The following STARD8 variants were observed in gnomAD, a reference collection of about 807,000 sequenced individuals.
STARD8 encodes StAR related lipid transfer domain containing 8, also known as stAR-related lipid transfer protein 8.
Under a neutral mutation model 69.4 loss-of-function variants are expected in STARD8, and 25 were observed. The ratio of observed to expected loss-of-function variants is 0.36; its 90% CI spans 0.26 to 0.50. STARD8 has a LOEUF of 0.50. Among genes scored for constraint, STARD8 ranks in the 20% least tolerant of loss-of-function variants. The pLI, the probability that STARD8 is intolerant of heterozygous loss-of-function variation, is 0.96. For synonymous variants in STARD8, 389 were observed against 374.6 expected (o/e 1.04, Z -0.45); for missense variants, 921 against 932.5 (o/e 0.99, Z 0.16).
intron 1 of STARD8, among the ~76,000 whole-genome samples, chrX:68,656,863 TGGA>T (rs1382689345): frequency 1.9e-5 from 2 of 106,198 alleles, no homozygotes; most frequent in Non-Finnish European, 1.9e-5. Flanking sequence ...TGTTGTGGGG[TGGA>T]GGAGGGGGGA....
intron 2 of STARD8, among the ~76,000 whole-genome samples, chrX:68,675,127 T>C (rs1168423668): frequency 9.1e-6 from 1 of 110,482 alleles, no homozygotes; most frequent in African/African-American, 3.3e-5. Flanking sequence ...CTGGCTAATT[T>C]TTGTATTTTT....
At chrX:68,681,454 G>A (rs1425389903) in intron 2 of STARD8, among the ~76,000 whole-genome samples, 4 of 112,489 alleles carry the variant, frequency 3.6e-5, no homozygotes, top group African/African-American at 1.3e-4. Flanking sequence ...GCAGAGTCAG[G>A]ACTTGAGACC....
intron 1 of STARD8, among the ~76,000 whole-genome samples, chrX:68,663,119 G>A (rs1433158497): frequency 8.9e-6 from 1 of 112,026 alleles, no homozygotes; most frequent in East Asian, 2.8e-4. Flanking sequence ...AAATCAGAGG[G>A]ATATGTTCTA....
chrX:68,671,662 C>G (rs1307256654), intron 2 of STARD8, among the ~76,000 whole-genome samples: 2 of 112,569 alleles, frequency 1.8e-5, no homozygotes, highest in Admixed American at 9.4e-5. Flanking sequence ...CTCCAGATGA[C>G]AAAACCTCTT....
At chrX:68,673,428 T>G (rs144062318) in intron 2 of STARD8, among the ~76,000 whole-genome samples, 1 of 112,098 alleles carries the variant, frequency 8.9e-6, no homozygotes, top group Non-Finnish European at 1.9e-5. Context: ...CCAGATACGC[T>G]GCCATAAGTT....
rs1043893234 is a variant in STARD8 at position 68,648,663 on chromosome X, A to G, written c.45+736A>G. On this transcript the variant is annotated intron_variant, in intron 1 of 14. Coordinates refer to ENST00000374599, the MANE Select transcript of STARD8 (RefSeq NM_001142503.3). ...CAAAGAGAATATAAGAAAAGTGACA[A>G]ATATTTACCAGGCACCTACTATATG... Among the ~76,000 whole-genome samples, 2 of 111,641 alleles carry G rather than the reference A, an allele frequency of 1.8e-5. 1 individual carries two copies. Among genetic ancestry groups the G allele is most frequent in the Non-Finnish European group, 3.8e-5 (2 of 53,134 alleles).
chrX:68,722,543 A>G lies in STARD8; in HGVS notation c.2696A>G (p.Tyr899Cys). The G allele has an allele frequency of 8.3e-7, 1 of 1,211,786 alleles. No homozygotes were observed. Among genetic ancestry groups the G allele is most frequent in the Non-Finnish European group, 1.1e-6 (1 of 895,548 alleles). Residue 899 changes from tyrosine to cysteine, a missense_variant, in exon 12 of 15, where the codon TAC becomes TGC. By Grantham distance (194) the Tyr-to-Cys change is radical (BLOSUM62 -2). Transcript: ENST00000374599. Reference protein sequence around the residue: ...AQAAGVSLSLYMEENIQDLLR... With the variant: ...AQAAGVSLSLCMEENIQDLLR... ...GCTGCAGGGGTAAGCCTGAGCCTCT[A>G]CATGGAAGAGAATATCCAGGACCTG...
chrX:68,708,214 G>T (rs765079544), intron 2 of STARD8, among the ~76,000 whole-genome samples: 1 of 112,784 alleles, frequency 8.9e-6, no homozygotes, highest in Non-Finnish European at 1.9e-5. Context: ...AAAGCTTAGA[G>T]AATGACACGA....
chrX:68,679,137 C>A (rs2079785140), intron 2 of STARD8, among the ~76,000 whole-genome samples: 1 of 112,487 alleles, frequency 8.9e-6, no homozygotes, highest in African/African-American at 3.2e-5. Context: ...GTAACTGAGG[C>A]TCAAGTGCAA....
At chrX:68,708,089 A>G (rs1042895803) in intron 2 of STARD8, among the ~76,000 whole-genome samples, 3 of 112,288 alleles carry the variant, frequency 2.7e-5, no homozygotes, top group Admixed American at 9.4e-5. Context: ...GCCTTCATTA[A>G]TGATAACTTT....
intron 2 of STARD8, among the ~76,000 whole-genome samples, chrX:68,678,073 T>A: frequency 9.1e-6 from 1 of 110,421 alleles, no homozygotes; most frequent in East Asian, 2.9e-4. Flanking sequence ...GGCTCTGACC[T>A]CCAAGTAAAG....
rs1158040946 is a variant in STARD8 at position 68,719,232 on chromosome X, C to T, written c.1723C>T (p.Arg575Cys). 8 of 1,184,368 alleles carry T rather than the reference C, an allele frequency of 6.8e-6. No homozygotes were observed. The highest frequency in any genetic ancestry group is 6.0e-5 in the East Asian group (2 of 33,254). ...CTCACCGCCCCCCACCAGGAAGCTC[C>T]GTTGGCATAGCTTCCAGAACTCCCA... is the stretch of plus-strand genomic sequence containing the variant. ...ASLTRPCRKL[R>C]WHSFQNSHRP... The change falls in exon 7 of 15, where the codon CGT (arginine) becomes TGT (cysteine). Residue 575 changes from arginine to cysteine, a missense_variant. Arg to Cys is a radical substitution (Grantham distance 180, BLOSUM62 -3). Transcript: ENST00000374599.
At chrX:68,649,693 C>CTATT (rs1158699238) in intron 1 of STARD8, among the ~76,000 whole-genome samples, 2 of 111,320 alleles carry the variant, frequency 1.8e-5, no homozygotes, top group Non-Finnish European at 3.8e-5. Context: ...GATTGTTTCC[C>CTATT]TATTTATTTA....
intron 2 of STARD8, among the ~76,000 whole-genome samples, chrX:68,695,082 C>T (rs1435411393): frequency 9.9e-6 from 1 of 101,381 alleles, no homozygotes; most frequent in Non-Finnish European, 2.0e-5. Context: ...GGGTTTGCCG[C>T]CCCCCCGCCC....
Position 68,650,842 on chromosome X carries a change from T to A in STARD8, c.45+2915T>A, listed in dbSNP as rs865905160. Among the ~76,000 whole-genome samples, 41 of 81,737 alleles carry A rather than the reference T, an allele frequency of 5.0e-4. 1 individual carries two copies. The highest frequency in any genetic ancestry group is 4.7e-3 in the Admixed American group (39 of 8,266). The allele number at this position is 81,737 out of a possible 115,157, so 71.0% of individuals were successfully genotyped here. On this transcript the variant is annotated intron_variant, in intron 1 of 14. Transcript: ENST00000374599. ...AAAACAAAACAAAACAAAACAAAAC[T>A]GGTGGGCTAGGACAGCCCCAAGAGA...
At chrX:68,712,857 G>A (rs933655858) in intron 2 of STARD8, 57 bp from the exon 3 acceptor site, 72 of 1,114,940 alleles carry the variant, frequency 6.5e-5, no homozygotes, top group South Asian at 3.1e-4. Context: ...GGGCCCTGGT[G>A]TCAGCACCCT....
In STARD8 at chrX:68,725,597, T is replaced by A. The variant is rs2080194057; in HGVS notation, c.*1175T>A. The A allele has an allele frequency of 9.4e-6, 1 of 106,754 alleles. No individual in the cohort carries two copies. Among genetic ancestry groups the A allele is most frequent in the South Asian group, 4.1e-4 (1 of 2,429 alleles). 8.8% of individuals were successfully genotyped at this position (106,754 alleles called of 1,213,427 possible). A position where few individuals can be genotyped will look rare whatever the true frequency, so the allele number is the denominator to read the frequency against. On this transcript the variant is annotated 3_prime_UTR_variant, in exon 15 of 15. Coordinates refer to ENST00000374599, the MANE Select transcript of STARD8 (RefSeq NM_001142503.3). The stretch of plus-strand genomic sequence containing the variant: ...ATATATATGTGTGTGTGTGTGTGTG[T>A]GTATATGTGTTTATAGAGATACACA...
At chrX:68,650,741 C>T (rs1202913172) in intron 1 of STARD8, among the ~76,000 whole-genome samples, 1 of 110,083 alleles carries the variant, frequency 9.1e-6, no homozygotes, top group Non-Finnish European at 1.9e-5. Context: ...CATGATCGCA[C>T]CACTGCACTC....
chrX:68,718,964 G>A (rs2080122527), intron 6 of STARD8, among the ~76,000 whole-genome samples: 1 of 110,379 alleles, frequency 9.1e-6, no homozygotes, highest in Non-Finnish European at 1.9e-5. Flanking sequence ...GTAGTCTTGG[G>A]ATGGGCAGGG....
Sources: gnomAD v4.1 joint callset for allele counts (sites outside exome capture counted in the v4.1 genomes callset) on GRCh38, gnomAD v4.1.1 for gene constraint, MANE v1.5 for transcripts, NCBI Gene and HGNC (gene_info 2026-07-23, HGNC 2026-07-21) for gene names.